DHX16: variants seen among roughly 807,000 people sequenced by gnomAD.
DHX16 encodes DEAH-box helicase 16, also known as pre-mRNA-splicing factor ATP-dependent RNA helicase DHX16.
A neutral mutation model predicts 131.2 loss-of-function variants in DHX16; 81 were observed. The ratio of observed to expected loss-of-function variants is 0.62; its 90% CI spans 0.52 to 0.74. The LOEUF (loss-of-function observed/expected upper bound fraction) is 0.74. DHX16 is among the 30% of genes least tolerant of loss of function. DHX16 has a pLI of 0.00. For missense variants in DHX16, 980 were observed against 1,363.1 expected (o/e 0.72, Z 4.43); for synonymous variants, 440 against 520.2 (o/e 0.85, Z 2.10).
rs988831257 is a variant in DHX16, at chr6:30,672,966, C to T, written c.-125G>A. On this transcript the variant is annotated 5_prime_UTR_variant, in exon 1 of 20. Transcript: ENST00000376442. Reference sequence around the variant, plus strand: ...TCGCAAGTCAGCTACCTTGGGACCTCTAGGATCTTCCGACATCCCAAAGCT... The same window carrying T: ...TCGCAAGTCAGCTACCTTGGGACCTTTAGGATCTTCCGACATCCCAAAGCT... 2.6e-6 allele frequency: 4 copies of T among 1,552,700 alleles called. No individual in the cohort carries two copies. Among genetic ancestry groups the T allele is most frequent in the Middle Eastern group, 1.7e-4 (1 of 5,992 alleles).
chr6:30,663,041 G>A lies in DHX16; in HGVS notation c.1318-20C>T. Reference sequence around the variant, plus strand: ...ATAACCCTGAATGACAAAGAAAAAAGAAGAAGTTTGCCCTTTACTAAATAT... The same window carrying A: ...ATAACCCTGAATGACAAAGAAAAAAAAAGAAGTTTGCCCTTTACTAAATAT... On this transcript the variant is annotated intron_variant, in intron 7 of 19. Coordinates refer to ENST00000376442, the MANE Select transcript of DHX16 (RefSeq NM_003587.5). The A allele has an allele frequency of 1.3e-6, 2 of 1,586,620 alleles. No individual in the cohort carries two copies. Among genetic ancestry groups the A allele is most frequent in the Middle Eastern group, 1.7e-4 (1 of 5,928 alleles).
chr6:30,654,816 T>A lies in DHX16; in HGVS notation c.2887A>T (p.Lys963Ter), dbSNP rs1431066354. The A allele has an allele frequency of 6.2e-7, 1 of 1,613,012 alleles. No homozygotes were observed. Among genetic ancestry groups the A allele is most frequent in the Non-Finnish European group, 8.5e-7 (1 of 1,180,034 alleles). Residue 963 changes from lysine (K) to a stop codon, truncating the protein, a stop_gained, in exon 19 of 20, where the codon AAA becomes TAA. Transcript: ENST00000376442. LOFTEE classifies it high-confidence loss of function. ...TGAATGAAGACTGTCTGCTGCTGTT[T>A]CACTGTGCGGTAGCCACTCCGAGTC... ...RLTRSGYRTVKQQQTVFIHPN... is the reference protein window; with the variant it reads ...RLTRSGYRTV
rs1006417063 is a variant in DHX16 at position 30,665,401 on chromosome 6, G to A, written c.921+78C>T. 29 of 1,582,804 alleles carry A rather than the reference G, an allele frequency of 1.8e-5. No individual in the cohort carries two copies. Among genetic ancestry groups the A allele is most frequent in the Middle Eastern group, 1.7e-4 (1 of 5,742 alleles). ...CAAGGCAAGAAAGGGGATGACCCAC[G>A]TGTTGCCCAATCCCCTGAAGCCTTC... On this transcript the variant is annotated intron_variant, in intron 5 of 19. Coordinates refer to ENST00000376442, the MANE Select transcript of DHX16 (RefSeq NM_003587.5). This position sits in a 1 kb window ranked among gnomAD's most constrained non-coding sequence, Gnocchi z 4.8.
Position 30,655,318 on chromosome 6 carries a change from A to G in DHX16, c.2680T>C (p.Ser894Pro). The change falls in exon 18 of 20, where the codon TCT becomes CCT. Residue 894 changes from serine to proline, a missense_variant. Physicochemically the swap from Ser to Pro is moderately conservative, Grantham distance 74. Coordinates refer to ENST00000376442, the MANE Select transcript of DHX16 (RefSeq NM_003587.5). ...AAGTTCTCATAGCACCACTGGGAAG[A>G]GTAACCACTCTCAGCCCACTGGGAA... ...VYTQWAESGY[S>P]SQWCYENFVQ... 1 of 1,614,198 alleles carries G rather than the reference A, an allele frequency of 6.2e-7. No individual in the cohort carries two copies. Among genetic ancestry groups the G allele is most frequent in the Non-Finnish European group, 8.5e-7 (1 of 1,180,028 alleles).
At chr6:30,668,795 T>C (rs1030763567) in intron 4 of DHX16, among the ~76,000 whole-genome samples, 4 of 152,138 alleles carry the variant, frequency 2.6e-5, no homozygotes, top group Non-Finnish European at 4.4e-5. Context: ...TGGGAACCAG[T>C]AGGCCATTCT....
intron 4 of DHX16, among the ~76,000 whole-genome samples, chr6:30,667,651 A>C (rs1418034358): frequency 6.6e-6 from 1 of 152,118 alleles, no homozygotes. Context: ...AAGGATTACC[A>C]GTGGCTTCTA....
Position 30,653,182 on chromosome 6 carries a change from G to A in DHX16, c.*60C>T, listed in dbSNP as rs1767614418. 3.2e-6 allele frequency: 5 copies of A among 1,538,730 alleles called. No individual in the cohort carries two copies. Among genetic ancestry groups the A allele is most frequent in the Non-Finnish European group, 4.4e-6 (5 of 1,136,600 alleles). ...TTCCAAAAATAATTTTATTTAATAG[G>A]TATTAAATAATGTATAGAAGGAAAA... On this transcript the variant is annotated 3_prime_UTR_variant, in exon 20 of 20. Coordinates refer to ENST00000376442, the MANE Select transcript of DHX16 (RefSeq NM_003587.5).
intron 4 of DHX16, among the ~76,000 whole-genome samples, chr6:30,669,421 C>T (rs1769331473): frequency 6.6e-6 from 1 of 151,780 alleles, no homozygotes; most frequent in Non-Finnish European, 1.5e-5. Flanking sequence ...AGTGAGACTC[C>T]ATCTCAAAAA....
In DHX16 at chr6:30,657,081, T is replaced by C; in HGVS notation, c.2019A>G (p.Ala673=). 6.2e-7 allele frequency: 1 copy of C among 1,612,672 alleles called. No homozygotes were observed. ...TGAGTGATGTCTCAGCAATGTTCGT[T>C]GCCACAACCACCTGAGTGATAGGAT... The part of the protein sequence containing the change: ...TPPGARKVVV[A]TNIAETSLTI... Residue 673 remains alanine (A), a synonymous_variant, in exon 13 of 20, where the codon GCA becomes GCG. Transcript: ENST00000376442.
Position 30,663,027 on chromosome 6 carries a change from T to C in DHX16, c.1318-6A>G. Reference sequence around the variant, plus strand: ...ATACCCTTGTTTGTATAACCCTGAATGACAAAGAAAAAAGAAGAAGTTTGC... The same window carrying C: ...ATACCCTTGTTTGTATAACCCTGAACGACAAAGAAAAAAGAAGAAGTTTGC... On this transcript the variant is annotated splice_region_variant and splice_polypyrimidine_tract_variant and intron_variant, in intron 7 of 19. Transcript: ENST00000376442. 6.3e-7 allele frequency: 1 copy of C among 1,597,870 alleles called. No homozygotes were observed.
In DHX16 at chr6:30,670,329, G is replaced by A. The variant is rs1444898360; in HGVS notation, c.666+81C>T. 5 of 1,405,898 alleles carry A rather than the reference G, an allele frequency of 3.6e-6. No homozygotes were observed. The highest frequency in any genetic ancestry group is 1.3e-5 in the South Asian group (1 of 78,750). The allele number at this position is 1,405,898 out of a possible 1,614,324, so 87.1% of individuals were successfully genotyped here. ...TCAGCATCCACACTGTGCTTCCTCTGTATCCTCTCTCCCTATACACTCTAT... is the reference window on the plus strand; with the variant it reads ...TCAGCATCCACACTGTGCTTCCTCTATATCCTCTCTCCCTATACACTCTAT... On this transcript the variant is annotated intron_variant, in intron 4 of 19. Transcript: ENST00000376442. This position sits in a 1 kb window ranked among gnomAD's most constrained non-coding sequence, Gnocchi z 4.4.
Position 30,656,539 on chromosome 6 carries a change from G to A in DHX16, c.2312-30C>T. Reference sequence around the variant, plus strand: ...AAAGAGGTGTGATGGATGGAACAGAGTCCCTTCAAAGGACAGTGACTCCAG... The same window carrying A: ...AAAGAGGTGTGATGGATGGAACAGAATCCCTTCAAAGGACAGTGACTCCAG... On this transcript the variant is annotated intron_variant, in intron 14 of 19. Coordinates refer to ENST00000376442, the MANE Select transcript of DHX16 (RefSeq NM_003587.5). This position sits in a 1 kb window ranked among gnomAD's most constrained non-coding sequence, Gnocchi z 5.1. 1 of 1,614,084 alleles carries A rather than the reference G, an allele frequency of 6.2e-7. No individual in the cohort carries two copies. The highest frequency in any genetic ancestry group is 8.5e-7 in the Non-Finnish European group (1 of 1,179,950).
intron 1 of DHX16, among the ~76,000 whole-genome samples, chr6:30,671,968 C>G (rs62408678): frequency 5.8e-4 from 88 of 151,920 alleles, no homozygotes; most frequent in African/African-American, 1.5e-3. Flanking sequence ...CAGGTGTGAG[C>G]CACTGCACCC....
chr6:30,667,771 C>T (rs546836568), intron 4 of DHX16, among the ~76,000 whole-genome samples: 3 of 152,160 alleles, frequency 2.0e-5, no homozygotes, highest in South Asian at 2.1e-4. Context: ...TGCACATCAC[C>T]GCCCAAGAAG....
Position 30,661,839 on chromosome 6 carries a change from C to G in DHX16, c.1544+788G>C, listed in dbSNP as rs370891308. On this transcript the variant is annotated intron_variant, in intron 9 of 19. Coordinates refer to ENST00000376442, the MANE Select transcript of DHX16 (RefSeq NM_003587.5). The stretch of plus-strand genomic sequence containing the variant: ...AAAACATCTGCATCAGACACTCTTG[C>G]GCTGGCTGGCTCTCCATGGGTTCTT... 172 of 718,020 alleles carry G rather than the reference C, an allele frequency of 2.4e-4. 7 individuals carry two copies. Among genetic ancestry groups the G allele is most frequent in the East Asian group, 6.7e-4 (25 of 37,294 alleles). 44.5% of individuals were successfully genotyped at this position (718,020 alleles called of 1,614,324 possible).
rs939518624 is a variant in DHX16 at position 30,659,617 on chromosome 6, A to G, written c.1862T>C (p.Ile621Thr). The change falls in exon 12 of 20, where the codon ATT becomes ACT. Residue 621 changes from isoleucine (I) to threonine (T), a missense_variant. Around this residue, in one of 3 missense-constraint regions of DHX16, gnomAD observed 309 missense variants for 537.1 expected, o/e 0.58. Coordinates refer to ENST00000376442, the MANE Select transcript of DHX16 (RefSeq NM_003587.5). ...ILVFLTGQEE[I>T]EAACEMLQDR... ...CTGGAGCATCTCACAGGCAGCCTCA[A>G]TCTCCTCCTGGATAGAGGGTAGGGA... The G allele has an allele frequency of 6.2e-7, 1 of 1,613,998 alleles. No individual in the cohort carries two copies. Among genetic ancestry groups the G allele is most frequent in the Admixed American group, 1.7e-5 (1 of 60,012 alleles).
Position 30,656,616 on chromosome 6 carries a change from C to CG in DHX16, c.2291_2292insC (p.Leu765ValfsTer10). ...AATCACCTAAGCTCTTGAGCAGCAACACGACATTGCCCAAGCTGGTCCTCT... is the reference window on the plus strand; with the variant it reads ...AATCACCTAAGCTCTTGAGCAGCAACGACGACATTGCCCAAGCTGGTCCTCT... On this transcript the variant is annotated frameshift_variant, in exon 14 of 20. Transcript: ENST00000376442. LOFTEE classifies it high-confidence loss of function. The surrounding 1 kb of genome is among the most constrained non-coding windows in gnomAD (Gnocchi z 5.1). 1 of 1,614,196 alleles carries CG rather than the reference C, an allele frequency of 6.2e-7. No homozygotes were observed. The highest frequency in any genetic ancestry group is 8.5e-7 in the Non-Finnish European group (1 of 1,180,028).
chr6:30,664,965 G>A lies in DHX16; in HGVS notation c.1153C>T (p.Gln385Ter). Residue 385 changes from glutamine to a stop codon, truncating the protein, a stop_gained, in exon 7 of 20, where the codon CAG (glutamine) becomes TAG (stop). Coordinates refer to ENST00000376442, the MANE Select transcript of DHX16 (RefSeq NM_003587.5). LOFTEE classifies it high-confidence loss of function. ...EEPSAPPTSTQAQQKESIQAV... is the reference protein window; with the variant it reads ...EEPSAPPTST ...TGGATGGACTCTTTCTGCTGGGCCTGAGTTGAAGTGGGTGGAGCTGACGGC... is the reference window on the plus strand; with the variant it reads ...TGGATGGACTCTTTCTGCTGGGCCTAAGTTGAAGTGGGTGGAGCTGACGGC... 6.2e-7 allele frequency: 1 copy of A among 1,614,098 alleles called. No homozygotes were observed. Among genetic ancestry groups the A allele is most frequent in the South Asian group, 1.1e-5 (1 of 91,084 alleles).
chr6:30,658,659 C>T (rs1034126042), intron 12 of DHX16, among the ~76,000 whole-genome samples: 2 of 142,652 alleles, frequency 1.4e-5, no homozygotes, highest in South Asian at 2.3e-4. Context: ...TGCAGTGAGC[C>T]GAGATCTTGC....
Sources: gnomAD v4.1 joint callset for allele counts (sites outside exome capture counted in the v4.1 genomes callset) on GRCh38, gnomAD v4.1.1 for gene constraint, gnomAD v4.1.1 regional missense constraint, Gnocchi (gnomAD v3.1) non-coding constraint, MANE v1.5 for transcripts, NCBI Gene and HGNC (gene_info 2026-07-23, HGNC 2026-07-21) for gene names.